Variants in LCORL observed in about 807,000 individuals in gnomAD.
LCORL encodes ligand-dependent nuclear receptor corepressor-like protein.
In LCORL, 41 loss-of-function variants were observed where a neutral mutation model predicts 141.8. The observed-to-expected ratio is 0.29, with a 90% CI of 0.23 to 0.38. The LOEUF (loss-of-function observed/expected upper bound fraction) is 0.38, where lower values mean the gene tolerates loss of function less well. Among genes scored for constraint, LCORL ranks in the 10% least tolerant of loss-of-function variants. LCORL has a pLI of 1.00. For synonymous variants in LCORL, 618 were observed against 694.1 expected, an observed-to-expected ratio of 0.89 and a Z score of 1.72; for missense variants, 1,759 against 2,035.0, an observed-to-expected ratio of 0.86 and a Z score of 2.61.
chr4:17,968,194 G>A (rs1715288160), intron 2 of LCORL, among the ~76,000 whole-genome samples: 1 of 151,984 alleles, frequency 6.6e-6, no homozygotes, highest in Admixed American at 6.6e-5. Context: ...ACTTTTTAAC[G>A]ACATTACTTT....
chr4:17,965,541 G>A (rs1024917469), intron 2 of LCORL, among the ~76,000 whole-genome samples: 3 of 152,016 alleles, frequency 2.0e-5, no homozygotes, highest in Admixed American at 1.3e-4. Flanking sequence ...AAAAGGTAAC[G>A]TCATAATTAA....
intron 7 of LCORL, among the ~76,000 whole-genome samples, chr4:17,861,343 G>C (rs1358112930): frequency 6.6e-6 from 1 of 152,186 alleles, no homozygotes; most frequent in Non-Finnish European, 1.5e-5. Flanking sequence ...CAAGGCACTG[G>C]GGCTTCCACC....
intron 6 of LCORL, chr4:17,881,313 TGAA>T (rs1727544628): frequency 1.0e-6 from 1 of 981,222 alleles, no homozygotes; most frequent in Non-Finnish European, 1.2e-6. Flanking sequence ...TAAAGTACTT[TGAA>T]AGTTTAACAT....
chr4:18,009,879 C>T (rs1253999663), intron 1 of LCORL, among the ~76,000 whole-genome samples: 1 of 152,160 alleles, frequency 6.6e-6, no homozygotes, highest in Non-Finnish European at 1.5e-5. Context: ...GTTCTGAGAT[C>T]CCACTCCTCT....
intron 1 of LCORL, among the ~76,000 whole-genome samples, chr4:18,011,791 GC>G (rs1723850583): frequency 6.6e-6 from 1 of 152,128 alleles, no homozygotes; most frequent in South Asian, 2.1e-4. Flanking sequence ...AGACCAGATG[GC>G]CCACAAAGCC....
chr4:17,938,131 G>T (rs1205790630), intron 4 of LCORL, among the ~76,000 whole-genome samples: 1 of 149,462 alleles, frequency 6.7e-6, no homozygotes, highest in Non-Finnish European at 1.5e-5. Context: ...TCAGCCTCCC[G>T]AGTAGCTGGG....
chr4:17,850,998 AATC>A (rs1247740717), intron 7 of LCORL, among the ~76,000 whole-genome samples: 2 of 149,582 alleles, frequency 1.3e-5, no homozygotes, highest in Non-Finnish European at 3.0e-5. Flanking sequence ...TGAAATTGGA[AATC>A]ATCATTCTCA....
chr4:17,933,902 T>G (rs927174095), intron 4 of LCORL, among the ~76,000 whole-genome samples: 6 of 152,052 alleles, frequency 3.9e-5, no homozygotes. Context: ...GATTCTCTTT[T>G]GTTTCTACAG....
chr4:17,920,322 A>G (rs1734086564), intron 4 of LCORL, among the ~76,000 whole-genome samples: 1 of 152,208 alleles, frequency 6.6e-6, no homozygotes, highest in African/African-American at 2.4e-5. Context: ...AATAGAGGAA[A>G]AAACGCAGAC....
rs574056974 is a variant in LCORL at position 18,008,376 on chromosome 4, G to A, written c.154+13222C>T. Among the ~76,000 whole-genome samples, 5 of 152,240 alleles carry A rather than the reference G, an allele frequency of 3.3e-5. No individual in the cohort carries two copies. In the South Asian group the frequency reaches 8.3e-4, roughly 25 times the overall value. On this transcript the variant is annotated intron_variant, in intron 1 of 7. Transcript: ENST00000635767. ...CAGGACAGGAATAAAAGGCTGAGGA[G>A]GCCTAAACCCAGAATACTTTTTCCC...
chr4:17,986,640 T>G (rs1446108320), intron 1 of LCORL, among the ~76,000 whole-genome samples: 1 of 152,192 alleles, frequency 6.6e-6, no homozygotes, highest in Non-Finnish European at 1.5e-5. Flanking sequence ...TGTTTGTTTA[T>G]ACTGGCTACT....
At chr4:17,997,487 G>C (rs892631640) in intron 1 of LCORL, among the ~76,000 whole-genome samples, 1 of 152,096 alleles carries the variant, frequency 6.6e-6, no homozygotes, top group Non-Finnish European at 1.5e-5. Flanking sequence ...TTAACATAAT[G>C]CTTTTTCAAT....
chr4:18,021,711 G>C lies in LCORL; in HGVS notation c.41C>G (p.Ala14Gly). Residue 14 changes from alanine (A) to glycine (G), a missense_variant, in exon 1 of 8, where the codon GCT becomes GGT. Ala to Gly is a moderately conservative substitution (Grantham distance 60, BLOSUM62 0). Coordinates refer to ENST00000635767, the Ensembl canonical transcript of LCORL. This position sits in a 1 kb window ranked among gnomAD's most constrained non-coding sequence, Gnocchi z 5.5. ...AGCGGCGGCGGCGGCGGCGGCAGCA[G>C]CGGCGGCGGCAGCGGCCATTCTCTC... is the stretch of plus-strand genomic sequence containing the variant. 1 of 1,528,186 alleles carries C rather than the reference G, an allele frequency of 6.5e-7. No individual in the cohort carries two copies. Among genetic ancestry groups the C allele is most frequent in the Non-Finnish European group, 8.8e-7 (1 of 1,138,122 alleles). The allele number at this position is 1,528,186 out of a possible 1,614,324, so 94.7% of individuals were successfully genotyped here. A position where few individuals can be genotyped will look rare whatever the true frequency, so the allele number is the denominator to read the frequency against.
At chr4:17,927,810 A>T (rs1204688324) in intron 4 of LCORL, among the ~76,000 whole-genome samples, 1 of 152,236 alleles carries the variant, frequency 6.6e-6, no homozygotes, top group African/African-American at 2.4e-5. Flanking sequence ...ATACTAAAAA[A>T]GTTTGAAATA....
chr4:17,931,671 CTTT>C (rs1422678670), intron 4 of LCORL, among the ~76,000 whole-genome samples: 3 of 151,744 alleles, frequency 2.0e-5, no homozygotes, highest in Admixed American at 6.6e-5. Context: ...TGAAAAAATG[CTTT>C]TTGTATTGTT....
intron 7 of LCORL, among the ~76,000 whole-genome samples, chr4:17,848,153 T>C (rs982810852): frequency 3.9e-5 from 6 of 152,208 alleles, no homozygotes; most frequent in African/African-American, 7.2e-5. Context: ...ACTATACTTA[T>C]GTATGGGAAG....
chr4:17,882,761 C>A, intron 6 of LCORL: 4 of 984,410 alleles, frequency 4.1e-6, no homozygotes, highest in Non-Finnish European at 4.8e-6. Flanking sequence ...AGGAGTGTGT[C>A]ACAATCCTTA....
chr4:17,967,272 G>C (rs575079912), intron 2 of LCORL, among the ~76,000 whole-genome samples: 4 of 152,256 alleles, frequency 2.6e-5, no homozygotes, highest in African/African-American at 9.6e-5. Context: ...GGTATGACTA[G>C]GTAGAGTTTA....
chr4:17,915,453 G>C (rs1056557700), intron 4 of LCORL, among the ~76,000 whole-genome samples: 1 of 152,176 alleles, frequency 6.6e-6, no homozygotes, highest in African/African-American at 2.4e-5. Flanking sequence ...CTGTTATAGA[G>C]TCATAAATAA....
Sources: gnomAD v4.1 joint callset for allele counts (sites outside exome capture counted in the v4.1 genomes callset) on GRCh38, gnomAD v4.1.1 for gene constraint, Gnocchi (gnomAD v3.1) non-coding constraint, MANE v1.5 for transcripts, NCBI Gene and HGNC (gene_info 2026-07-23, HGNC 2026-07-21) for gene names.